Variants in PTPDC1 observed in about 807,000 individuals in gnomAD.
PTPDC1 encodes protein tyrosine phosphatase domain containing 1, also known as protein tyrosine phosphatase domain-containing protein 1.
In PTPDC1, 53 loss-of-function variants were observed where a neutral mutation model predicts 75.3. The ratio of observed to expected loss-of-function variants is 0.70; its 90% CI spans 0.56 to 0.88. The LOEUF (loss-of-function observed/expected upper bound fraction) is 0.88, where lower values mean the gene tolerates loss of function less well. Among genes scored for constraint, PTPDC1 ranks in the 40% least tolerant of loss-of-function variants. The pLI is 0.00. For missense variants in PTPDC1, 925 were observed against 998.6 expected, an observed-to-expected ratio of 0.93 and a Z score of 0.99; for synonymous variants, 349 against 366.2, an observed-to-expected ratio of 0.95 and a Z score of 0.54.
chr9:94,105,829 TG>T, intron 8 of PTPDC1, among the ~76,000 whole-genome samples: 1 of 151,114 alleles, frequency 6.6e-6, no homozygotes, highest in African/African-American at 2.4e-5. Context: ...AAAAATTAAC[TG>T]GGTATGGTGG....
At chr9:94,079,561 G>A (rs926952246), upstream of PTPDC1, among the ~76,000 whole-genome samples, 3 of 152,198 alleles carry the variant, frequency 2.0e-5, no homozygotes, top group South Asian at 2.1e-4. Context: ...GCAAACTAGT[G>A]TGACTACAGT....
At chr9:94,034,910 A>G (rs1825211746) in intron 1 of PTPDC1, among the ~76,000 whole-genome samples, 1 of 152,200 alleles carries the variant, frequency 6.6e-6, no homozygotes, top group Admixed American at 6.5e-5. Flanking sequence ...TAACTAAGTC[A>G]AGCTAATTAA....
At chr9:94,070,442 C>A (rs1564020028) in intron 2 of PTPDC1, among the ~76,000 whole-genome samples, 1 of 152,166 alleles carries the variant, frequency 6.6e-6, no homozygotes, top group Non-Finnish European at 1.5e-5. Context: ...ATTATATATA[C>A]ATTTTTAATT....
chr9:94,033,877 T>A (rs1274279740), intron 1 of PTPDC1, among the ~76,000 whole-genome samples: 1 of 152,230 alleles, frequency 6.6e-6, no homozygotes, highest in Non-Finnish European at 1.5e-5. Context: ...GCAAATTGAC[T>A]ATCTAGTTTC....
rs1312069850 is a variant in PTPDC1 at position 94,104,312 on chromosome 9, T to C, written c.2237T>C (p.Ile746Thr). ...ACTATTCTCTGCGTGTTGCACTGCA[T>C]AGTGAACCTGCAGACAATTCCCGTG... ...HQTILCVLHCIVNLQTIPVDV... is the reference protein window; with the variant it reads ...HQTILCVLHCTVNLQTIPVDV... The change falls in exon 8 of 9, where the codon ATA (isoleucine) becomes ACA (threonine). Residue 746 changes from isoleucine (I) to threonine (T), a missense_variant. Transcript: ENST00000620992. 1.2e-6 allele frequency: 2 copies of C among 1,613,818 alleles called. No individual in the cohort carries two copies. Among genetic ancestry groups the C allele is most frequent in the African/African-American group, 2.7e-5 (2 of 74,944 alleles).
chr9:94,074,541 A>G (rs1826618359), intron 2 of PTPDC1, among the ~76,000 whole-genome samples: 1 of 152,064 alleles, frequency 6.6e-6, no homozygotes, highest in Admixed American at 6.6e-5. Flanking sequence ...GAGAAGGTGG[A>G]AAGTGTAATG....
chr9:94,035,708 G>A (rs767007486), intron 1 of PTPDC1, among the ~76,000 whole-genome samples: 7 of 152,170 alleles, frequency 4.6e-5, no homozygotes, highest in African/African-American at 1.4e-4. Context: ...TGGGACTGCC[G>A]AATAGAGTGG....
chr9:94,078,640 T>C lies in PTPDC1; in HGVS notation c.83-6611T>C, dbSNP rs373952201. ...TTCACTTAATGGTATTCCACATTTC[T>C]GTGAGGCTTTGTTCATTTTTTCATT... On this transcript the variant is annotated intron_variant, in intron 2 of 9. Coordinates refer to the PTPDC1 transcript ENST00000375360. Among the ~76,000 whole-genome samples the C allele has an allele frequency of 1.1e-4, 16 of 152,354 alleles. No individual in the cohort carries two copies. In the East Asian group the frequency reaches 3.1e-3, roughly 29 times the overall value.
chr9:94,103,188 A>G (rs1387377475), intron 7 of PTPDC1, among the ~76,000 whole-genome samples: 1 of 152,362 alleles, frequency 6.6e-6, no homozygotes, highest in East Asian at 1.9e-4. Flanking sequence ...TTTTTCCTGT[A>G]TCCGAAGTCC....
intron 2 of PTPDC1, 81 bp from the exon 3 acceptor site, chr9:94,087,750 T>G: frequency 3.3e-6 from 3 of 897,724 alleles, no homozygotes. Context: ...GAAAAAATCA[T>G]CTCTCAGGAC....
At chr9:94,067,396 A>T (rs10993041) in intron 2 of PTPDC1, among the ~76,000 whole-genome samples, 79,858 of 145,526 alleles carry the variant, frequency 0.55, 21,579 homozygotes, top group Admixed American at 0.68. Flanking sequence ...TCTCAAAAAA[A>T]AAAAATAATA....
At chr9:94,042,307 G>A (rs1475872175) in intron 1 of PTPDC1, among the ~76,000 whole-genome samples, 2 of 150,344 alleles carry the variant, frequency 1.3e-5, no homozygotes, top group African/African-American at 5.0e-5. Flanking sequence ...TTAAACTGCA[G>A]TCTCCCCATC....
chr9:94,098,759 GTGT>G, intron 6 of PTPDC1, 180 bp downstream of exon 6: 1 of 624,704 alleles, frequency 1.6e-6, no homozygotes, highest in African/African-American at 1.8e-5. Context: ...AAAACACAGG[GTGT>G]TTGTATGGTT....
chr9:94,050,130 G>A (rs1040713209), intron 1 of PTPDC1, among the ~76,000 whole-genome samples: 5 of 151,938 alleles, frequency 3.3e-5, no homozygotes, highest in African/African-American at 1.2e-4. Context: ...TTTTTTTCAA[G>A]GTTTTTAACT....
rs181462625 is a variant in PTPDC1, at chr9:94,046,919, G to T, written c.-7+15792G>T. Among the ~76,000 whole-genome samples the T allele has an allele frequency of 7.9e-5, 12 of 152,290 alleles. No homozygotes were observed. The East Asian group carries it at 2.3e-3, about 29-fold the overall frequency. On this transcript the variant is annotated intron_variant, in intron 1 of 9. Coordinates refer to the PTPDC1 transcript ENST00000375360. ...TGGTGAGAGACAGCATCCCTGTCTTGTGCCCGTTTTCAAAGGGAATGCTTC... is the reference window on the plus strand; with the variant it reads ...TGGTGAGAGACAGCATCCCTGTCTTTTGCCCGTTTTCAAAGGGAATGCTTC...
intron 1 of PTPDC1, among the ~76,000 whole-genome samples, chr9:94,032,295 C>T (rs927205016): frequency 1.3e-5 from 2 of 152,184 alleles, no homozygotes. Flanking sequence ...GTATCAGGGA[C>T]AGGGCTGGAG....
Position 94,097,471 on chromosome 9 carries a change from G to A in PTPDC1, c.905G>A (p.Arg302His), listed in dbSNP as rs1399721923. 8.1e-6 allele frequency: 13 copies of A among 1,614,060 alleles called. No individual in the cohort carries two copies. The highest frequency in any genetic ancestry group is 4.5e-5 in the East Asian group (2 of 44,880). The change falls in exon 6 of 9, where the codon CGC becomes CAC. Residue 302 changes from arginine to histidine, a missense_variant. Transcript: ENST00000620992. The stretch of plus-strand genomic sequence containing the variant: ...TTTACTCAGTTTCTAACTCCTCTCC[G>A]CAATATATTCTCTTGCTGTGATCCC... ...REFTQFLTPLRNIFSCCDPKA... is the reference protein window; with the variant it reads ...REFTQFLTPLHNIFSCCDPKA...
At position 94,045,104 on chromosome 9, in the gene PTPDC1, T is replaced by G. The variant is rs538594350; in HGVS notation, c.-7+13977T>G. On this transcript the variant is annotated intron_variant, in intron 1 of 9. Transcript: ENST00000375360. ...TGAGAACACGCGGTGTTTGGTTTTT[T>G]GTCCCTGCAATGGTTTGCTGAGAAT... Among the ~76,000 whole-genome samples, 13 of 151,182 alleles carry G rather than the reference T, an allele frequency of 8.6e-5. 1 individual carries two copies. The South Asian group carries it at 2.8e-3, about 32-fold the overall frequency.
intron 1 of PTPDC1, among the ~76,000 whole-genome samples, chr9:94,052,182 C>A (rs939432553): frequency 5.3e-5 from 8 of 152,072 alleles, no homozygotes; most frequent in Non-Finnish European, 1.2e-4. Flanking sequence ...TTAACTTTTA[C>A]TTAGTTCAAA....
Sources: gnomAD v4.1 joint callset for allele counts (sites outside exome capture counted in the v4.1 genomes callset) on GRCh38, gnomAD v4.1.1 for gene constraint, MANE v1.5 for transcripts, NCBI Gene and HGNC (gene_info 2026-07-23, HGNC 2026-07-21) for gene names.